The following KHDRBS3 variants were observed in gnomAD, a reference collection of about 807,000 sequenced individuals.
The protein encoded by KHDRBS3 is KH domain-containing, RNA-binding, signal transduction-associated protein 3.
Under a neutral mutation model 45.6 loss-of-function variants are expected in KHDRBS3, and 23 were observed. The ratio of observed to expected loss-of-function variants is 0.50; its 90% CI spans 0.36 to 0.72. The LOEUF (loss-of-function observed/expected upper bound fraction) is 0.72, where lower values mean the gene tolerates loss of function less well. KHDRBS3 is among the 30% of genes least tolerant of loss of function. The pLI is 0.00. For missense variants in KHDRBS3, 352 were observed against 424.8 expected (o/e 0.83, Z 1.51); for synonymous variants, 162 against 156.5 (o/e 1.04, Z -0.26).
At chr8:135,526,608 G>T (rs1285447203) in intron 2 of KHDRBS3, among the ~76,000 whole-genome samples, 1 of 152,164 alleles carries the variant, frequency 6.6e-6, no homozygotes, top group African/African-American at 2.4e-5. Context: ...AGCTGGAATA[G>T]CTGTGAGTAG....
chr8:135,588,396 G>GCAGGC (rs1828584319), intron 6 of KHDRBS3, among the ~76,000 whole-genome samples: 2 of 152,152 alleles, frequency 1.3e-5, no homozygotes, highest in South Asian at 4.1e-4. Context: ...CACCCAGCCT[G>GCAGGC]CAGGCGCTCC....
At chr8:135,600,617 A>G (rs1448313173) in intron 6 of KHDRBS3, among the ~76,000 whole-genome samples, 1 of 152,216 alleles carries the variant, frequency 6.6e-6, no homozygotes, top group Non-Finnish European at 1.5e-5. Flanking sequence ...TCACAAGTGC[A>G]CGGTCTGATT....
chr8:135,493,739 G>A (rs1823273258), intron 1 of KHDRBS3, among the ~76,000 whole-genome samples: 1 of 152,068 alleles, frequency 6.6e-6, no homozygotes, highest in African/African-American at 2.4e-5. Context: ...ATGTTGGTAT[G>A]TAGTTTTCTT....
chr8:135,492,772 CCT>C (rs1197950621), intron 1 of KHDRBS3, among the ~76,000 whole-genome samples: 2 of 151,852 alleles, frequency 1.3e-5, no homozygotes, highest in East Asian at 3.9e-4. Context: ...AATTTTCCTC[CCT>C]GTTTATATAA....
chr8:135,510,480 G>C (rs1824223486), intron 1 of KHDRBS3, among the ~76,000 whole-genome samples: 1 of 152,152 alleles, frequency 6.6e-6, no homozygotes, highest in African/African-American at 2.4e-5. Flanking sequence ...TGTCGCCCAG[G>C]CTGGAGTGCA....
intron 1 of KHDRBS3, among the ~76,000 whole-genome samples, chr8:135,490,483 A>C (rs1226309547): frequency 6.6e-6 from 1 of 152,102 alleles, no homozygotes; most frequent in Non-Finnish European, 1.5e-5. Flanking sequence ...GCCTGTACAT[A>C]TTGAAGGTTA....
At chr8:135,573,894 A>G (rs973869665) in intron 5 of KHDRBS3, among the ~76,000 whole-genome samples, 10 of 152,206 alleles carry the variant, frequency 6.6e-5, no homozygotes, top group African/African-American at 2.2e-4. Flanking sequence ...CCATCCATTA[A>G]TCTGCTTTCA....
At chr8:135,655,883 G>T (rs940280225) in intron 4 of KHDRBS3, among the ~76,000 whole-genome samples, 4 of 152,160 alleles carry the variant, frequency 2.6e-5, no homozygotes, top group African/African-American at 9.7e-5. Flanking sequence ...TGACAAGAAT[G>T]CAAGGACTCT....
At chr8:135,520,674 A>G (rs1259258408) in intron 1 of KHDRBS3, among the ~76,000 whole-genome samples, 3 of 152,256 alleles carry the variant, frequency 2.0e-5, no homozygotes, top group Non-Finnish European at 4.4e-5. Flanking sequence ...GGAGATGAAG[A>G]TGAAATCATC....
At chr8:135,596,143 G>A (rs1828963370) in intron 6 of KHDRBS3, among the ~76,000 whole-genome samples, 1 of 152,070 alleles carries the variant, frequency 6.6e-6, no homozygotes, top group South Asian at 2.1e-4. Flanking sequence ...CCTAAGAATG[G>A]TACATAGCTA....
intron 6 of KHDRBS3, among the ~76,000 whole-genome samples, chr8:135,605,440 T>G (rs1380122400): frequency 6.6e-6 from 1 of 152,168 alleles, no homozygotes; most frequent in African/African-American, 2.4e-5. Context: ...ATATTTTACT[T>G]TAGTTATTAT....
At chr8:135,501,937 G>T (rs569551720) in intron 1 of KHDRBS3, among the ~76,000 whole-genome samples, 2 of 152,188 alleles carry the variant, frequency 1.3e-5, no homozygotes, top group African/African-American at 2.4e-5. Context: ...CTTTTTGCAC[G>T]CATTATTGAA....
intron 1 of KHDRBS3, among the ~76,000 whole-genome samples, chr8:135,494,402 C>T: frequency 6.6e-6 from 1 of 151,286 alleles, no homozygotes; most frequent in East Asian, 2.0e-4. Flanking sequence ...CCTCAGCCTC[C>T]TGAGTAGCTG....
chr8:135,542,815 A>C (rs772740901), intron 3 of KHDRBS3, 45 bp downstream of exon 3: 1 of 1,231,756 alleles, frequency 8.1e-7, no homozygotes, highest in Admixed American at 1.7e-5. Context: ...ATCATGTTAT[A>C]TTATGTGCTC....
chr8:135,606,384 G>A (rs1380706503), intron 6 of KHDRBS3, among the ~76,000 whole-genome samples: 1 of 152,108 alleles, frequency 6.6e-6, no homozygotes, highest in East Asian at 1.9e-4. Flanking sequence ...ACCTCAGGCA[G>A]CAGAAATGTC....
At chr8:135,546,026 T>C (rs1177424421) in intron 3 of KHDRBS3, among the ~76,000 whole-genome samples, 1 of 152,012 alleles carries the variant, frequency 6.6e-6, no homozygotes, top group East Asian at 1.9e-4. Context: ...TAATCCTGGC[T>C]ACTCAGATGC....
intron 4 of KHDRBS3, among the ~76,000 whole-genome samples, chr8:135,653,950 G>T (rs1328215742): frequency 6.6e-6 from 1 of 151,970 alleles, no homozygotes; most frequent in Non-Finnish European, 1.5e-5. Flanking sequence ...ACATGTGCTT[G>T]GTACAAAATA....
chr8:135,525,965 A>G (rs1363457702), intron 2 of KHDRBS3, among the ~76,000 whole-genome samples: 1 of 152,164 alleles, frequency 6.6e-6, no homozygotes, highest in Non-Finnish European at 1.5e-5. Flanking sequence ...ATCCCATAAG[A>G]TTATAATACT....
chr8:135,458,727 T>G (rs372444565), intron 1 of KHDRBS3: 14 of 380,350 alleles, frequency 3.7e-5, no homozygotes, highest in African/African-American at 1.9e-4. Flanking sequence ...GGCTTGAGGT[T>G]CGGAATAGTG....
Sources: allele counts gnomAD v4.1 joint callset (sites outside exome capture counted in the v4.1 genomes callset), GRCh38; gene constraint gnomAD v4.1.1; transcripts MANE v1.5; gene names NCBI Gene and HGNC (gene_info 2026-07-23, HGNC 2026-07-21).